ZNF730: variants seen among roughly 807,000 people sequenced by gnomAD.
ZNF730 encodes the protein putative zinc finger protein 730.
A neutral mutation model predicts 12.6 loss-of-function variants in ZNF730; 12 were observed. That is an observed-to-expected ratio of 0.95 (90% CI 0.61 to 1.54). The LOEUF (loss-of-function observed/expected upper bound fraction) is 1.54. Among genes scored for constraint, ZNF730 ranks in the 40% most tolerant of loss-of-function variants. The probability of loss-of-function intolerance (pLI) is 0.00; values close to 1 mark genes in which losing one functional copy is unlikely to be tolerated. For missense variants in ZNF730, 643 were observed against 583.5 expected (o/e 1.10, Z -1.05); for synonymous variants, 194 against 195.8 (o/e 0.99, Z 0.08).
At chr19:23,081,254 C>T (rs1004710474) in intron 1 of ZNF730, among the ~76,000 whole-genome samples, 3 of 151,858 alleles carry the variant, frequency 2.0e-5, no homozygotes, top group African/African-American at 4.8e-5. Flanking sequence ...AAGTGATTCT[C>T]GTGCCTGAAC....
At chr19:23,122,435 A>G (rs766157067) in intron 1 of ZNF730, among the ~76,000 whole-genome samples, 131 of 152,116 alleles carry the variant, frequency 8.6e-4, no homozygotes, top group Non-Finnish European at 7.5e-4. Context: ...GAGCCACCAC[A>G]TCGGGCCGTT....
upstream of ZNF730, among the ~76,000 whole-genome samples, chr19:23,114,503 ATTTTATTTAT>A (rs149263729): frequency 0.56 from 81,507 of 145,740 alleles, 24,916 homozygotes; most frequent in South Asian, 0.72. Flanking sequence ...TTTTATTTTT[ATTTTATTTAT>A]TTTTATTTAT....
At chr19:23,114,491 A>T (rs1334059701), upstream of ZNF730, among the ~76,000 whole-genome samples, 9 of 123,210 alleles carry the variant, frequency 7.3e-5, no homozygotes, top group East Asian at 1.1e-3. Context: ...ATTTTTATTT[A>T]TTTTTATTTT....
intron 1 of ZNF730, among the ~76,000 whole-genome samples, chr19:23,101,770 A>G (rs1970338372): frequency 6.6e-6 from 1 of 152,130 alleles, no homozygotes. Flanking sequence ...GGGTTTCACC[A>G]TGTTGGTCAG....
intron 1 of ZNF730, among the ~76,000 whole-genome samples, chr19:23,079,176 A>G (rs1969920733): frequency 6.6e-6 from 1 of 152,130 alleles, no homozygotes; most frequent in East Asian, 1.9e-4. Flanking sequence ...GTTTTCAATA[A>G]GGCAGAGTTT....
At chr19:23,118,561 TAG>T (rs1321891279) in intron 1 of ZNF730, among the ~76,000 whole-genome samples, 1 of 152,164 alleles carries the variant, frequency 6.6e-6, no homozygotes, top group Non-Finnish European at 1.5e-5. Flanking sequence ...GTATGAAGTG[TAG>T]TCTCTCAAGA....
At chr19:23,090,989 A>C (rs993617750) in intron 1 of ZNF730, among the ~76,000 whole-genome samples, 1 of 151,522 alleles carries the variant, frequency 6.6e-6, no homozygotes, top group Non-Finnish European at 1.5e-5. Flanking sequence ...GACAAGAGCA[A>C]GACTTCGTCT....
At position 23,094,030 on chromosome 19, in the gene ZNF730, C is replaced by T. The variant is rs146686954; in HGVS notation, c.-94+18643C>T. ...TCGCCGGGGTCAGAACTGCTTAGAT[C>T]CAGCAGAGGGTGCGATTGTGGCTCA... On this transcript the variant is annotated intron_variant, in intron 1 of 2. Transcript: ENST00000593635. Among the ~76,000 whole-genome samples the T allele has an allele frequency of 1.2e-3, 190 of 152,274 alleles. 2 individuals are homozygous for T. In the East Asian group the frequency reaches 0.03, roughly 24 times the overall value.
At chr19:23,094,367 T>TATCTA (rs1970212369) in intron 1 of ZNF730, among the ~76,000 whole-genome samples, 2 of 141,766 alleles carry the variant, frequency 1.4e-5, no homozygotes, top group Non-Finnish European at 3.0e-5. Context: ...TCTATCTATC[T>TATCTA]ATCTATCTAT....
At chr19:23,109,115 A>G (rs1437890021) in intron 1 of ZNF730, among the ~76,000 whole-genome samples, 2 of 151,758 alleles carry the variant, frequency 1.3e-5, no homozygotes, top group African/African-American at 4.8e-5. Flanking sequence ...GCAGCATATA[A>G]AAGAATAAGA....
chr19:23,140,720 G>A (rs1051825642), intron 3 of ZNF730, among the ~76,000 whole-genome samples: 1 of 151,994 alleles, frequency 6.6e-6, no homozygotes, highest in South Asian at 2.1e-4. Flanking sequence ...TTGGGAGGCC[G>A]AGGCAGGCTG....
rs192139965 is a variant in ZNF730 at position 23,081,473 on chromosome 19, C to G, written c.-94+6086C>G. On this transcript the variant is annotated intron_variant, in intron 1 of 2. Coordinates refer to the ZNF730 transcript ENST00000593635. ...TAGCTGGGATTACAGGCGTGAGCCACCACGCCCACCTGATCTTTGTAGTTT... is the reference window on the plus strand; with the variant it reads ...TAGCTGGGATTACAGGCGTGAGCCAGCACGCCCACCTGATCTTTGTAGTTT... 2.9e-3 allele frequency among the ~76,000 whole-genome samples: 437 copies of G among 152,280 alleles called. 4 individuals carry two copies. Among genetic ancestry groups the G allele is most frequent in the South Asian group, 8.5e-3 (41 of 4,818 alleles).
intron 1 of ZNF730, among the ~76,000 whole-genome samples, chr19:23,109,084 T>G (rs1370619153): frequency 6.6e-6 from 1 of 150,830 alleles, no homozygotes; most frequent in Non-Finnish European, 1.5e-5. Context: ...CTCTAACTTT[T>G]GGATGCTATA....
chr19:23,092,431 T>C (rs540177362), intron 1 of ZNF730, among the ~76,000 whole-genome samples: 1 of 150,912 alleles, frequency 6.6e-6, no homozygotes, highest in Non-Finnish European at 1.5e-5. Context: ...CCCATCTCTC[T>C]TAAAAAAATT....
At chr19:23,118,924 C>T (rs1167104630) in intron 1 of ZNF730, among the ~76,000 whole-genome samples, 2 of 152,152 alleles carry the variant, frequency 1.3e-5, no homozygotes, top group Non-Finnish European at 2.9e-5. Context: ...TCTCTGTTCT[C>T]TATCCTGTTA....
chr19:23,079,377 C>G (rs544899812), intron 1 of ZNF730, among the ~76,000 whole-genome samples: 82 of 152,158 alleles, frequency 5.4e-4, no homozygotes, highest in Non-Finnish European at 5.3e-4. Flanking sequence ...AGGCTGGTCT[C>G]CAACTCCCGA....
At chr19:23,127,160 C>CA in intron 1 of ZNF730, 1 of 532,784 alleles carries the variant, frequency 1.9e-6, no homozygotes. Flanking sequence ...AATGTTTGTT[C>CA]ATGCTCAAAG....
chr19:23,075,573 G>C (rs997459602), intron 1 of ZNF730, among the ~76,000 whole-genome samples: 1 of 152,138 alleles, frequency 6.6e-6, no homozygotes, highest in African/African-American at 2.4e-5. Flanking sequence ...GTCTCGCCGC[G>C]TCCCTGCTGG....
intron 1 of ZNF730, among the ~76,000 whole-genome samples, chr19:23,076,265 G>C (rs1004693881): frequency 6.6e-6 from 1 of 152,108 alleles, no homozygotes; most frequent in African/African-American, 2.4e-5. Flanking sequence ...GATGGTGGCA[G>C]GTTTTTAAAG....
Sources: gnomAD v4.1 joint callset for allele counts (sites outside exome capture counted in the v4.1 genomes callset) on GRCh38, gnomAD v4.1.1 for gene constraint, MANE v1.5 for transcripts, NCBI Gene and HGNC (gene_info 2026-07-23, HGNC 2026-07-21) for gene names.